STXBP6: variants seen among roughly 807,000 people sequenced by gnomAD.
The protein encoded by STXBP6 is syntaxin binding protein 6, also known as syntaxin-binding protein 6.
A neutral mutation model predicts 26.9 loss-of-function variants in STXBP6; 21 were observed. That is an observed-to-expected ratio of 0.78 (90% CI 0.55 to 1.12). STXBP6 has a LOEUF of 1.12. STXBP6 is among the 50% of genes most tolerant of loss of function. The pLI is 0.00. For missense variants in STXBP6, 232 were observed against 257.9 expected, an observed-to-expected ratio of 0.90 and a Z score of 0.69; for synonymous variants, 97 against 92.6, an observed-to-expected ratio of 1.05 and a Z score of -0.27.
In STXBP6 at chr14:24,924,933, C is replaced by T. The variant is rs1294664913; in HGVS notation, c.154+49732G>A. 5.9e-5 allele frequency among the ~76,000 whole-genome samples: 9 copies of T among 152,198 alleles called. No homozygotes were observed. In the East Asian group the frequency reaches 1.7e-3, roughly 29 times the overall value. Reference sequence around the variant, plus strand: ...TGTCTTCAAATTTCTCTAGAAATGTCATAGCTGAAAATCAGCTACTATAAG... The same window carrying T: ...TGTCTTCAAATTTCTCTAGAAATGTTATAGCTGAAAATCAGCTACTATAAG... On this transcript the variant is annotated intron_variant, in intron 2 of 5. Transcript: ENST00000323944.
chr14:25,027,551 T>C (rs2075371411), intron 1 of STXBP6, among the ~76,000 whole-genome samples: 1 of 152,182 alleles, frequency 6.6e-6, no homozygotes, highest in African/African-American at 2.4e-5. Flanking sequence ...CCACCAGCCA[T>C]GCCCCTGCCT....
intron 1 of STXBP6, among the ~76,000 whole-genome samples, chr14:24,989,382 CA>C (rs2074409920): frequency 6.6e-6 from 1 of 152,136 alleles, no homozygotes; most frequent in Non-Finnish European, 1.5e-5. Context: ...AAGTACTGCC[CA>C]ATGGGGCAGT....
intron 4 of STXBP6, among the ~76,000 whole-genome samples, chr14:24,850,060 A>G (rs920915458): frequency 6.6e-6 from 1 of 152,160 alleles, no homozygotes; most frequent in African/African-American, 2.4e-5. Flanking sequence ...AGATTCCTTT[A>G]AAGTACTATA....
intron 2 of STXBP6, among the ~76,000 whole-genome samples, chr14:24,951,368 C>T (rs967401537): frequency 3.3e-5 from 5 of 152,186 alleles, no homozygotes; most frequent in East Asian, 1.9e-4. Context: ...AGTGTAAAAG[C>T]GTTCCTATTT....
At chr14:24,868,912 G>A (rs768898703) in intron 2 of STXBP6, among the ~76,000 whole-genome samples, 2 of 152,168 alleles carry the variant, frequency 1.3e-5, no homozygotes, top group Middle Eastern at 3.2e-3. Flanking sequence ...AATGCCTAAT[G>A]AATTGGAGGC....
chr14:24,985,762 C>T (rs1173098340), intron 1 of STXBP6, among the ~76,000 whole-genome samples: 1 of 152,206 alleles, frequency 6.6e-6, no homozygotes, highest in Admixed American at 6.5e-5. Flanking sequence ...GCCTTACACA[C>T]CAGCAGCTTA....
intron 2 of STXBP6, among the ~76,000 whole-genome samples, chr14:24,943,777 G>C (rs887537548): frequency 6.6e-6 from 1 of 152,102 alleles, no homozygotes; most frequent in Non-Finnish European, 1.5e-5. Flanking sequence ...TCTATATCTT[G>C]ACCTTTAAAT....
intron 1 of STXBP6, among the ~76,000 whole-genome samples, chr14:24,995,835 T>C (rs1198789590): frequency 6.6e-6 from 1 of 152,220 alleles, no homozygotes; most frequent in African/African-American, 2.4e-5. Context: ...TCAATGTCTG[T>C]TCTAAAGTAA....
chr14:24,979,721 C>T (rs185924743), intron 1 of STXBP6, among the ~76,000 whole-genome samples: 112 of 152,292 alleles, frequency 7.4e-4, no homozygotes, highest in Middle Eastern at 3.4e-3. Context: ...CCTTTCAAAT[C>T]CCCATAACGA....
rs543947890 is a variant in STXBP6, at chr14:24,886,010, C to T, written c.155-28853G>A. Reference sequence around the variant, plus strand: ...ACTTATCCAGGGTAAACATGCCTAGCTTCTTTCTCTATGTTAACACATTGC... The same window carrying T: ...ACTTATCCAGGGTAAACATGCCTAGTTTCTTTCTCTATGTTAACACATTGC... On this transcript the variant is annotated intron_variant, in intron 2 of 5. Coordinates refer to ENST00000323944, the MANE Select transcript of STXBP6 (RefSeq NM_001394410.1). 2.6e-5 allele frequency among the ~76,000 whole-genome samples: 4 copies of T among 152,294 alleles called. No homozygotes were observed. In the East Asian group the frequency reaches 7.7e-4, roughly 29 times the overall value.
At chr14:24,818,239 C>A in intron 5 of STXBP6, 1 of 426,242 alleles carries the variant, frequency 2.3e-6, no homozygotes, top group Non-Finnish European at 4.7e-6. Context: ...ATCTGAAGCA[C>A]AACAACAGTA....
intron 1 of STXBP6, among the ~76,000 whole-genome samples, chr14:25,006,236 G>A (rs997715714): frequency 1.3e-5 from 2 of 152,104 alleles, no homozygotes; most frequent in Non-Finnish European, 2.9e-5. Flanking sequence ...TGGAATTCAG[G>A]CACGTGGCTG....
intron 1 of STXBP6, among the ~76,000 whole-genome samples, chr14:25,047,007 T>A (rs533924748): frequency 6.6e-6 from 1 of 152,184 alleles, no homozygotes; most frequent in African/African-American, 2.4e-5. Context: ...TGGGGTGTAC[T>A]TCATGCTCCT....
chr14:24,904,614 T>C (rs575018249), intron 2 of STXBP6, among the ~76,000 whole-genome samples: 1 of 152,164 alleles, frequency 6.6e-6, no homozygotes, highest in Non-Finnish European at 1.5e-5. Flanking sequence ...GATGGGGTCC[T>C]AATCCAATAG....
chr14:24,900,948 T>G (rs2071189995), intron 2 of STXBP6, among the ~76,000 whole-genome samples: 1 of 152,166 alleles, frequency 6.6e-6, no homozygotes. Flanking sequence ...CTGGGATGTA[T>G]GCATAATTGG....
chr14:25,045,193 C>G (rs1008442400), intron 1 of STXBP6, among the ~76,000 whole-genome samples: 4 of 152,092 alleles, frequency 2.6e-5, no homozygotes, highest in African/African-American at 9.7e-5. Context: ...ATTCTGTATT[C>G]TGGGAAACGC....
chr14:25,024,857 A>G (rs1213493898), intron 1 of STXBP6, among the ~76,000 whole-genome samples: 1 of 152,208 alleles, frequency 6.6e-6, no homozygotes, highest in Non-Finnish European at 1.5e-5. Context: ...ACTTTCACTT[A>G]TGAAGCATTA....
At chr14:24,891,241 T>G (rs1039710517) in intron 2 of STXBP6, among the ~76,000 whole-genome samples, 3 of 152,098 alleles carry the variant, frequency 2.0e-5, no homozygotes, top group Non-Finnish European at 4.4e-5. Flanking sequence ...CTAACAGACT[T>G]ATGAACGTTT....
intron 1 of STXBP6, among the ~76,000 whole-genome samples, chr14:25,014,031 T>C (rs1035628127): frequency 3.9e-5 from 6 of 152,176 alleles, no homozygotes; most frequent in Admixed American, 1.3e-4. Flanking sequence ...AATAATAGGA[T>C]GTCACGGATT....
Sources: allele counts gnomAD v4.1 joint callset (sites outside exome capture counted in the v4.1 genomes callset), GRCh38; gene constraint gnomAD v4.1.1; transcripts MANE v1.5; gene names NCBI Gene and HGNC (gene_info 2026-07-23, HGNC 2026-07-21).